MGAM2: variants seen among roughly 807,000 people sequenced by gnomAD.
The protein encoded by MGAM2 is probable maltase-glucoamylase 2.
A neutral mutation model predicts 96.1 loss-of-function variants in MGAM2; 98 were observed. The observed-to-expected ratio is 1.02, with a 90% CI of 0.87 to 1.21. MGAM2 has a LOEUF of 1.21. Among genes scored for constraint, MGAM2 ranks in the 50% most tolerant of loss-of-function variants. The pLI, the probability that MGAM2 is intolerant of heterozygous loss-of-function variation, is 0.00. For synonymous variants in MGAM2, 749 were observed against 414.8 expected (o/e 1.81, Z -9.79); for missense variants, 2,055 against 1,182.4 (o/e 1.74, Z -10.82).
In MGAM2 at chr7:142,199,974, T is replaced by C. The variant is rs1319013657; in HGVS notation, c.5137+6T>C. 4.5e-6 allele frequency: 3 copies of C among 660,318 alleles called. No individual in the cohort carries two copies. The highest frequency in any genetic ancestry group is 1.8e-5 in the African/African-American group (1 of 55,240). The allele number at this position is 660,318 out of a possible 1,614,324, so 40.9% of individuals were successfully genotyped here. A position where few individuals can be genotyped will look rare whatever the true frequency, so the allele number is the denominator to read the frequency against. ...GGATGATGGACAAAGCATTGGTGAG[T>C]ATAAACTTTCCAGGGTCCCTGTACA... On this transcript the variant is annotated splice_donor_region_variant and intron_variant, in intron 45 of 47. Transcript: ENST00000477922.
At chr7:142,208,142 G>A (rs1158179482) in intron 45 of MGAM2, 11 of 458,532 alleles carry the variant, frequency 2.4e-5, no homozygotes, top group Non-Finnish European at 4.8e-5. Context: ...TTAAGTACAA[G>A]AGTTGGGATT....
rs538895718 is a variant in MGAM2, at chr7:142,218,389, A to C, written c.5216A>C (p.Asn1739Thr). 2.0e-5 allele frequency: 14 copies of C among 700,310 alleles called. No homozygotes were observed. Among genetic ancestry groups the C allele is most frequent in the Non-Finnish European group, 3.4e-5 (13 of 384,124 alleles). The allele number at this position is 700,310 out of a possible 1,614,324, so 43.4% of individuals were successfully genotyped here. ...QNILQIQTIH[N>T]KYLSDSNPLK... ...ATCCTGCAAATCCAGACCATACACA[A>C]TAAGTATTTGAGTGACTCGAATCCA... The change falls in exon 47 of 48, where the codon AAT becomes ACT. Residue 1739 changes from asparagine (N) to threonine (T), a missense_variant. Transcript: ENST00000477922.
intron 6 of MGAM2, 55 bp downstream of exon 6, chr7:142,132,140 C>T (rs184867089): frequency 3.0e-5 from 19 of 630,608 alleles, no homozygotes; most frequent in Non-Finnish European, 4.8e-5. Flanking sequence ...TAATATTACT[C>T]ATTCTGATTT....
chr7:142,113,904 G>A (rs903066499), intron 1 of MGAM2, among the ~76,000 whole-genome samples: 4 of 152,042 alleles, frequency 2.6e-5, no homozygotes, highest in Admixed American at 2.6e-4. Flanking sequence ...GGCCAAGGCG[G>A]GCGGATCACC....
chr7:142,191,338 G>A (rs10227164), intron 37 of MGAM2, among the ~76,000 whole-genome samples: 3,856 of 151,932 alleles, frequency 0.025, 154 homozygotes, highest in African/African-American at 0.087. Flanking sequence ...TTGTGCTTTT[G>A]GTGTCATATT....
intron 45 of MGAM2, among the ~76,000 whole-genome samples, chr7:142,201,071 CTTTTT>C (rs72092512): frequency 1.2e-5 from 1 of 84,382 alleles, no homozygotes; most frequent in African/African-American, 5.3e-5. Flanking sequence ...CATCCTTTTT[CTTTTT>C]TTTTTCTTTT....
rs1797872377 is a variant in MGAM2, at chr7:142,220,070, C to T, written c.5559C>T (p.Gly1853=). 1.4e-6 allele frequency: 1 copy of T among 702,788 alleles called. No individual in the cohort carries two copies. Among genetic ancestry groups the T allele is most frequent in the Non-Finnish European group, 2.6e-6 (1 of 384,934 alleles). The allele number at this position is 702,788 out of a possible 1,614,324, so 43.5% of individuals were successfully genotyped here. A position where few individuals can be genotyped will look rare whatever the true frequency, so the allele number is the denominator to read the frequency against. ...CTGCCAGTGCAAATACTACCACTGGCACTACTGATACTGTTCCTATCACAA... is the reference window on the plus strand; with the variant it reads ...CTGCCAGTGCAAATACTACCACTGGTACTACTGATACTGTTCCTATCACAA... ...TSSASANTTT[G]TTDTVPITTT... is the part of the protein sequence containing the mutation. Residue 1853 remains glycine, a synonymous_variant, in exon 48 of 48, where the codon GGC becomes GGT. Coordinates refer to ENST00000477922, the MANE Select transcript of MGAM2 (RefSeq NM_001293626.2).
rs1796741507 is a variant in MGAM2, at chr7:142,187,692, T to C, written c.4123-58T>C. The C allele has an allele frequency of 1.3e-5, 9 of 693,028 alleles. No homozygotes were observed. The East Asian group carries it at 1.9e-4, about 15-fold the overall frequency. The allele number at this position is 693,028 out of a possible 1,614,324, so 42.9% of individuals were successfully genotyped here. On this transcript the variant is annotated intron_variant, in intron 35 of 47. Coordinates refer to ENST00000477922, the MANE Select transcript of MGAM2 (RefSeq NM_001293626.2). ...CATCTCCCTGAGTTAGTGTCCTCTA[T>C]AGCCAAGGCCATCCTGCCCCTGACA...
At chr7:142,201,383 C>G (rs1378193643) in intron 45 of MGAM2, among the ~76,000 whole-genome samples, 1 of 152,022 alleles carries the variant, frequency 6.6e-6, no homozygotes, top group South Asian at 2.1e-4. Context: ...ATATAACATC[C>G]TTGAGTATTA....
In MGAM2 at chr7:142,167,320, A is replaced by G. The variant is rs1161775871; in HGVS notation, c.2861A>G (p.Tyr954Cys). The change falls in exon 26 of 48, where the codon TAT (tyrosine) becomes TGT (cysteine). Residue 954 changes from tyrosine (Y) to cysteine (C), a missense_variant. By Grantham distance (194) the Tyr-to-Cys change is radical (BLOSUM62 -2). Coordinates refer to ENST00000477922, the MANE Select transcript of MGAM2 (RefSeq NM_001293626.2). Reference protein sequence around the residue: ...PTCYYDTIPNYVASDIQYLNT... With the variant: ...PTCYYDTIPNCVASDIQYLNT... Reference sequence around the variant, plus strand: ...TGTTACTATGACACCATCCCTAATTATGTTGCTAGTGATATTCAGTACCTG... The same window carrying G: ...TGTTACTATGACACCATCCCTAATTGTGTTGCTAGTGATATTCAGTACCTG... 1 of 702,730 alleles carries G rather than the reference A, an allele frequency of 1.4e-6. No homozygotes were observed. The allele number at this position is 702,730 out of a possible 1,614,324, so 43.5% of individuals were successfully genotyped here.
At chr7:142,213,845 T>C (rs996776068) in intron 46 of MGAM2, among the ~76,000 whole-genome samples, 5 of 152,124 alleles carry the variant, frequency 3.3e-5, no homozygotes, top group Admixed American at 2.0e-4. Context: ...TACCAACACC[T>C]GGCAGAGACA....
chr7:142,177,983 C>G (rs1796426350), intron 32 of MGAM2, among the ~76,000 whole-genome samples: 1 of 152,204 alleles, frequency 6.6e-6, no homozygotes, highest in Admixed American at 6.5e-5. Context: ...TACATTCCCA[C>G]CAACAGTGTG....
intron 32 of MGAM2, among the ~76,000 whole-genome samples, chr7:142,181,038 T>G (rs1263600112): frequency 6.6e-6 from 1 of 152,184 alleles, no homozygotes; most frequent in Non-Finnish European, 1.5e-5. Flanking sequence ...TATCTGTCAC[T>G]TAGGCCACTT....
At chr7:142,201,071 C>CTT (rs72092512) in intron 45 of MGAM2, among the ~76,000 whole-genome samples, 14,572 of 82,366 alleles carry the variant, frequency 0.18, 3,213 homozygotes, top group African/African-American at 0.24. Flanking sequence ...CATCCTTTTT[C>CTT]TTTTTTTTTT....
intron 46 of MGAM2, among the ~76,000 whole-genome samples, chr7:142,208,920 T>C (rs1471515231): frequency 6.6e-6 from 1 of 152,170 alleles, no homozygotes; most frequent in Non-Finnish European, 1.5e-5. Context: ...GCTGATAAAT[T>C]TTGAAAGAAA....
At chr7:142,193,133 G>T (rs941072237) in intron 37 of MGAM2, among the ~76,000 whole-genome samples, 1 of 152,012 alleles carries the variant, frequency 6.6e-6, no homozygotes, top group African/African-American at 2.4e-5. Context: ...TTCCATACAT[G>T]ATATATATAT....
intron 1 of MGAM2, among the ~76,000 whole-genome samples, chr7:142,114,153 G>GAAGGAAA (rs1817276797): frequency 1.1e-5 from 1 of 87,008 alleles, no homozygotes; most frequent in Non-Finnish European, 2.2e-5. Flanking sequence ...AAAGAAAGAA[G>GAAGGAAA]GAAAGAAAGA....
At chr7:142,159,229 G>A (rs1795820788) in intron 19 of MGAM2, 58 bp from the exon 20 acceptor site, 3 of 696,668 alleles carry the variant, frequency 4.3e-6, no homozygotes, top group Non-Finnish European at 7.9e-6. Flanking sequence ...GCCTGGAGGT[G>A]TTTTGTAAAC....
At chr7:142,218,255 A>G (rs1022114733) in intron 46 of MGAM2, 106 bp from the exon 47 acceptor site, 8 of 486,912 alleles carry the variant, frequency 1.6e-5, no homozygotes, top group Non-Finnish European at 2.9e-5. Flanking sequence ...TAGAAATAGC[A>G]AACTAATATA....
Sources: allele counts gnomAD v4.1 joint callset (sites outside exome capture counted in the v4.1 genomes callset), GRCh38; gene constraint gnomAD v4.1.1; transcripts MANE v1.5; gene names NCBI Gene and HGNC (gene_info 2026-07-23, HGNC 2026-07-21).